The following FARS2 variants were observed in gnomAD, a reference collection of about 807,000 sequenced individuals.
The protein encoded by FARS2 is phenylalanyl-tRNA synthetase 2, mitochondrial.
A neutral mutation model predicts 46.4 loss-of-function variants in FARS2; 40 were observed. The observed-to-expected ratio is 0.86, with a 90% CI of 0.67 to 1.12. The LOEUF (loss-of-function observed/expected upper bound fraction) is 1.12, where lower values mean the gene tolerates loss of function less well. FARS2 is among the 50% of genes most tolerant of loss of function. The pLI is 0.00. For missense variants in FARS2, 513 were observed against 567.9 expected, an observed-to-expected ratio of 0.90 and a Z score of 0.98; for synonymous variants, 234 against 214.9, an observed-to-expected ratio of 1.09 and a Z score of -0.78.
chr6:5,422,699 G>A (rs745411211), intron 3 of FARS2, among the ~76,000 whole-genome samples: 4 of 152,254 alleles, frequency 2.6e-5, no homozygotes, highest in Non-Finnish European at 5.9e-5. Context: ...TGAAGTGAGA[G>A]CAGGCATGGG....
intron 6 of FARS2, among the ~76,000 whole-genome samples, chr6:5,664,500 A>C (rs1778009309): frequency 6.6e-6 from 1 of 152,216 alleles, no homozygotes; most frequent in Non-Finnish European, 1.5e-5. Context: ...CATGCTTGAT[A>C]ATAAGGTAGT....
rs1195738039 is a variant in FARS2, at chr6:5,341,227, ATATATATATTTTTTT to A, written c.-21-27321_-21-27307del. On this transcript the variant is annotated intron_variant, in intron 1 of 6. Transcript: ENST00000274680. The stretch of plus-strand genomic sequence containing the variant: ...TATATATATATATATATATATATAT[ATATATATATTTTTTT>A]TTTTTTTTTTTTTTTCCCTGTGAGA... Among the ~76,000 whole-genome samples, 13 of 4,644 alleles carry A rather than the reference ATATATATATTTTTTT, an allele frequency of 2.8e-3. 1 individual carries two copies. Among genetic ancestry groups the A allele is most frequent in the African/African-American group, 0.012 (12 of 1,040 alleles). 3.0% of individuals were successfully genotyped at this position (4,644 alleles called of 152,430 possible).
At chr6:5,389,263 T>G (rs915349441) in intron 2 of FARS2, among the ~76,000 whole-genome samples, 16 of 152,200 alleles carry the variant, frequency 1.1e-4, no homozygotes, top group African/African-American at 3.4e-4. Context: ...GACCACTGTG[T>G]TAGGCGAGTA....
intron 4 of FARS2, among the ~76,000 whole-genome samples, chr6:5,488,660 T>C (rs1394035139): frequency 8.2e-6 from 1 of 122,322 alleles, no homozygotes; most frequent in Non-Finnish European, 1.9e-5. Context: ...TTGGGACTTG[T>C]TGAATTTGAG....
intron 4 of FARS2, among the ~76,000 whole-genome samples, chr6:5,485,490 G>C (rs200193): frequency 1.6e-4 from 23 of 146,998 alleles, no homozygotes; most frequent in South Asian, 9.0e-4. Flanking sequence ...GATTTAAAGT[G>C]GGGGGGACTG....
Position 5,496,462 on chromosome 6 carries a change from T to G in FARS2, c.905-48718T>G, listed in dbSNP as rs1183990476. On this transcript the variant is annotated intron_variant, in intron 4 of 6. Transcript: ENST00000274680. The stretch of plus-strand genomic sequence containing the variant: ...TACAAGAGATGAGGGTGTGCGTGCA[T>G]TAACTTGCTACGGGTGCCATAACAA... Among the ~76,000 whole-genome samples, 7 of 152,200 alleles carry G rather than the reference T, an allele frequency of 4.6e-5. No individual in the cohort carries two copies. The East Asian group carries it at 1.3e-3, about 29-fold the overall frequency.
intron 6 of FARS2, among the ~76,000 whole-genome samples, chr6:5,640,755 T>C (rs58726761): frequency 0.031 from 4,760 of 152,312 alleles, 192 homozygotes; most frequent in African/African-American, 0.086. Context: ...CAACTGCATA[T>C]AGCCAATCAC....
intron 2 of FARS2, among the ~76,000 whole-genome samples, chr6:5,390,750 G>C (rs1462912293): frequency 6.6e-6 from 1 of 152,130 alleles, no homozygotes; most frequent in Non-Finnish European, 1.5e-5. Flanking sequence ...GTCAAGCCCG[G>C]GTGTCCTAAT....
rs1426528048 is a variant in FARS2, at chr6:5,325,025, A to G, written c.-21-43525A>G. Among the ~76,000 whole-genome samples, 3 of 152,132 alleles carry G rather than the reference A, an allele frequency of 2.0e-5. No homozygotes were observed. In the East Asian group the frequency reaches 5.8e-4, roughly 29 times the overall value. On this transcript the variant is annotated intron_variant, in intron 1 of 6. Transcript: ENST00000274680. ...ACCTCATGGTGGCAGATTTTGAGAA[A>G]TTTCACCATTTATCAAAAAAGGCTT...
chr6:5,291,477 GA>G, intron 1 of FARS2: 1 of 152,324 alleles, frequency 6.6e-6, no homozygotes, highest in East Asian at 1.9e-4. Flanking sequence ...CAATTTGGGG[GA>G]AAGAATCTTC....
chr6:5,256,910 T>G (rs185122907), upstream of FARS2, among the ~76,000 whole-genome samples: 196 of 152,228 alleles, frequency 1.3e-3, no homozygotes, highest in Non-Finnish European at 2.0e-3. Flanking sequence ...TCTGCTTGGA[T>G]TCTCTTCTTC....
chr6:5,563,535 G>T (rs1772138253), intron 5 of FARS2, among the ~76,000 whole-genome samples: 1 of 152,144 alleles, frequency 6.6e-6, no homozygotes, highest in Non-Finnish European at 1.5e-5. Context: ...CTGTGGAGAT[G>T]CCACACTAAC....
intron 5 of FARS2, among the ~76,000 whole-genome samples, chr6:5,584,044 C>T (rs528327270): frequency 6.6e-6 from 1 of 151,292 alleles, no homozygotes; most frequent in East Asian, 2.0e-4. Flanking sequence ...AATGGAATAG[C>T]CATTAGTTCC....
At chr6:5,731,005 C>A (rs77010633) in intron 6 of FARS2, among the ~76,000 whole-genome samples, 5 of 152,130 alleles carry the variant, frequency 3.3e-5, no homozygotes, top group African/African-American at 1.2e-4. Context: ...AAGCATCAAC[C>A]CTAATGACTA....
At chr6:5,433,569 A>C (rs373263938) in intron 4 of FARS2, among the ~76,000 whole-genome samples, 1 of 152,250 alleles carries the variant, frequency 6.6e-6, no homozygotes. Flanking sequence ...AGTAATAAAC[A>C]GGAAGAAAAG....
At chr6:5,406,022 CT>C (rs1044294554) in intron 3 of FARS2, among the ~76,000 whole-genome samples, 16 of 152,288 alleles carry the variant, frequency 1.1e-4, no homozygotes, top group African/African-American at 3.8e-4. Flanking sequence ...CACCTTCCCC[CT>C]CCAGCTATTT....
At chr6:5,378,224 G>T (rs767132745) in intron 2 of FARS2, among the ~76,000 whole-genome samples, 2 of 152,004 alleles carry the variant, frequency 1.3e-5, no homozygotes, top group South Asian at 2.1e-4. Flanking sequence ...GTAGAAGGAT[G>T]TTGAGACTTA....
intron 6 of FARS2, chr6:5,695,010 TA>T: frequency 6.6e-6 from 1 of 152,250 alleles, no homozygotes; most frequent in African/African-American, 2.4e-5. Context: ...ACCCCATCTC[TA>T]AAAGAAAAAA....
intron 6 of FARS2, among the ~76,000 whole-genome samples, chr6:5,624,715 C>G (rs1164244747): frequency 6.6e-6 from 1 of 152,050 alleles, no homozygotes; most frequent in Non-Finnish European, 1.5e-5. Context: ...TGTTCCCTGC[C>G]CCACCCCCTC....
Sources: allele counts gnomAD v4.1 joint callset (sites outside exome capture counted in the v4.1 genomes callset), GRCh38; gene constraint gnomAD v4.1.1; transcripts MANE v1.5; gene names NCBI Gene and HGNC (gene_info 2026-07-23, HGNC 2026-07-21).